Variants in HEATR5A observed in about 807,000 individuals in gnomAD.
HEATR5A encodes HEAT repeat containing 5A, also known as HEAT repeat-containing protein 5A.
Under a neutral mutation model 218.8 loss-of-function variants are expected in HEATR5A, and 178 were observed. The observed-to-expected ratio is 0.81, with a 90% CI of 0.72 to 0.92. The LOEUF (loss-of-function observed/expected upper bound fraction) is 0.92. Among genes scored for constraint, HEATR5A ranks in the 40% least tolerant of loss-of-function variants. The probability of loss-of-function intolerance (pLI) is 0.00; values close to 1 mark genes in which losing one functional copy is unlikely to be tolerated. For missense variants in HEATR5A, 2,420 were observed against 2,418.9 expected, an observed-to-expected ratio of 1.00 and a Z score of -0.01; for synonymous variants, 864 against 871.6, an observed-to-expected ratio of 0.99 and a Z score of 0.15.
chr14:31,327,436 G>C (rs1900308330), intron 22 of HEATR5A, among the ~76,000 whole-genome samples: 1 of 151,392 alleles, frequency 6.6e-6, no homozygotes, highest in Non-Finnish European at 1.5e-5. Context: ...TGGGACTAGA[G>C]GCGACCACCA....
At chr14:31,336,288 C>T (rs1030361285) in intron 22 of HEATR5A, among the ~76,000 whole-genome samples, 1 of 141,362 alleles carries the variant, frequency 7.1e-6, no homozygotes, top group African/African-American at 2.6e-5. Flanking sequence ...GAGATGAGGT[C>T]TCACTATGTT....
intron 25 of HEATR5A, among the ~76,000 whole-genome samples, chr14:31,319,734 C>T (rs184960669): frequency 6.6e-6 from 1 of 152,160 alleles, no homozygotes; most frequent in Admixed American, 6.5e-5. Context: ...AAAAAGATTA[C>T]AAAACCAGTA....
At chr14:31,314,160 C>A (rs1288546367) in intron 27 of HEATR5A, among the ~76,000 whole-genome samples, 1 of 152,092 alleles carries the variant, frequency 6.6e-6, no homozygotes, top group Non-Finnish European at 1.5e-5. Flanking sequence ...GTTGACCAGG[C>A]TGGTCTTGAA....
intron 1 of HEATR5A, among the ~76,000 whole-genome samples, chr14:31,416,556 T>C (rs1425688509): frequency 2.0e-5 from 3 of 152,054 alleles, no homozygotes; most frequent in Admixed American, 6.5e-5. Context: ...AGTGCTTTAA[T>C]ATGGCCATAT....
At chr14:31,340,468 C>T (rs1185514510) in intron 21 of HEATR5A, 1 of 1,288,772 alleles carries the variant, frequency 7.8e-7, no homozygotes, top group Non-Finnish European at 1.0e-6. Flanking sequence ...AATTATCCAA[C>T]AAGATCTCCT....
In HEATR5A at chr14:31,345,884, T is replaced by G. The variant is rs115260065; in HGVS notation, c.2869-608A>C. Among the ~76,000 whole-genome samples the G allele has an allele frequency of 4.2e-3, 629 of 150,692 alleles. 3 individuals are homozygous for G. Among genetic ancestry groups the G allele is most frequent in the African/African-American group, 0.014 (571 of 41,116 alleles). On this transcript the variant is annotated intron_variant, in intron 19 of 35. Transcript: ENST00000543095. ...CTGTTTGTACATAGATATGTGCATT[T>G]ATGGCAGGTGCGCACACACATGCAC... is the stretch of plus-strand genomic sequence containing the variant.
At chr14:31,393,999 C>T (rs1279076878) in intron 6 of HEATR5A, 53 bp downstream of exon 6, 6 of 1,220,308 alleles carry the variant, frequency 4.9e-6, no homozygotes, top group African/African-American at 1.5e-5. Context: ...TTGTTTATAT[C>T]AACTGGGGAA....
In HEATR5A at chr14:31,308,039, G is replaced by C; in HGVS notation, c.4691-19C>G. On this transcript the variant is annotated intron_variant, in intron 29 of 35. Transcript: ENST00000543095. ...CTGATTCCTGTGGAAAGCAAAAAAAGAGGAGGAGGCTTCTTTCAAATTATT... is the reference window on the plus strand; with the variant it reads ...CTGATTCCTGTGGAAAGCAAAAAAACAGGAGGAGGCTTCTTTCAAATTATT... 6.3e-7 allele frequency: 1 copy of C among 1,584,818 alleles called. No homozygotes were observed. The highest frequency in any genetic ancestry group is 8.6e-7 in the Non-Finnish European group (1 of 1,169,392).
chr14:31,309,159 T>C lies in HEATR5A; in HGVS notation c.4465A>G (p.Thr1489Ala). Reference sequence around the variant, plus strand: ...TAATGCAATTTTGCATTTTCACTAGTCTCTGCTGTGTAGAAAGCACCACCT... The same window carrying C: ...TAATGCAATTTTGCATTTTCACTAGCCTCTGCTGTGTAGAAAGCACCACCT... ...AEGGAFYTAE[T>A]SENAKLHYYN... Residue 1489 changes from threonine (T) to alanine (A), a missense_variant, in exon 29 of 36, where the codon ACT becomes GCT. By Grantham distance (58) the Thr-to-Ala change is moderately conservative. Coordinates refer to ENST00000543095, the MANE Select transcript of HEATR5A (RefSeq NM_015473.4). 1 of 1,613,886 alleles carries C rather than the reference T, an allele frequency of 6.2e-7. No individual in the cohort carries two copies. The highest frequency in any genetic ancestry group is 8.5e-7 in the Non-Finnish European group (1 of 1,179,800).
At chr14:31,346,734 T>A (rs2139210366) in intron 19 of HEATR5A, among the ~76,000 whole-genome samples, 1 of 152,256 alleles carries the variant, frequency 6.6e-6, no homozygotes, top group Middle Eastern at 3.4e-3. Context: ...GGAAAACGAA[T>A]TTAGCCTTAT....
At chr14:31,389,418 C>T (rs1448347673) in intron 6 of HEATR5A, among the ~76,000 whole-genome samples, 4 of 152,178 alleles carry the variant, frequency 2.6e-5, no homozygotes, top group Non-Finnish European at 5.9e-5. Flanking sequence ...AAATGCTGTA[C>T]AACTGTCAAA....
intron 26 of HEATR5A, among the ~76,000 whole-genome samples, chr14:31,317,048 T>C (rs1899933675): frequency 1.3e-5 from 2 of 152,116 alleles, no homozygotes; most frequent in African/African-American, 2.4e-5. Flanking sequence ...GTTTAGTTCT[T>C]GTCTCATCTC....
In HEATR5A at chr14:31,305,271, TTA is replaced by T. The variant is rs1899519361; in HGVS notation, c.4967-96_4967-95del. On this transcript the variant is annotated intron_variant, in intron 31 of 35. Coordinates refer to ENST00000543095, the MANE Select transcript of HEATR5A (RefSeq NM_015473.4). ...TCCTGTTACAGGAAATACATGTATTTTATTTTTTTGAGACAGAGTCTCGCTCT... is the reference window on the plus strand; with the variant it reads ...TCCTGTTACAGGAAATACATGTATTTTTTTTTTGAGACAGAGTCTCGCTCT... 6 of 1,350,616 alleles carry T rather than the reference TTA, an allele frequency of 4.4e-6. No individual in the cohort carries two copies. In the South Asian group the frequency reaches 7.9e-5, roughly 18 times the overall value. The allele number at this position is 1,350,616 out of a possible 1,614,324, so 83.7% of individuals were successfully genotyped here.
chr14:31,349,565 T>G (rs780459076), intron 18 of HEATR5A, among the ~76,000 whole-genome samples: 5 of 152,262 alleles, frequency 3.3e-5, no homozygotes, highest in Non-Finnish European at 7.3e-5. Flanking sequence ...ATATAGATTC[T>G]GATCTTTCTT....
chr14:31,388,698 T>A (rs2030330505), intron 7 of HEATR5A, 147 bp downstream of exon 7: 1 of 527,980 alleles, frequency 1.9e-6, no homozygotes, highest in Admixed American at 3.4e-5. Context: ...TTAAAAAAAA[T>A]GTTTTGGCCT....
At chr14:31,363,772 G>C (rs1270702320) in intron 14 of HEATR5A, among the ~76,000 whole-genome samples, 2 of 152,146 alleles carry the variant, frequency 1.3e-5, no homozygotes, top group African/African-American at 2.4e-5. Context: ...CTTGAGCCCA[G>C]GAATTCGAGA....
Position 31,358,662 on chromosome 14 carries a change from A to C in HEATR5A, c.2386T>G (p.Cys796Gly). The stretch of plus-strand genomic sequence containing the variant: ...CTTTGAGTTTCTCCCACATGAGCGC[A>C]TACAACCCCAAAGAGCTTGGATGCA... Reference protein sequence around the residue: ...SSASKLFGVVCAHVGETQRLL... With the variant: ...SSASKLFGVVGAHVGETQRLL... The change falls in exon 16 of 36, where the codon TGC becomes GGC. Residue 796 changes from cysteine to glycine, a missense_variant. By Grantham distance (159) the Cys-to-Gly change is radical (BLOSUM62 -3). Coordinates refer to ENST00000543095, the MANE Select transcript of HEATR5A (RefSeq NM_015473.4). The C allele has an allele frequency of 6.2e-7, 1 of 1,613,808 alleles. No individual in the cohort carries two copies. Among genetic ancestry groups the C allele is most frequent in the Non-Finnish European group, 8.5e-7 (1 of 1,179,846 alleles).
intron 1 of HEATR5A, among the ~76,000 whole-genome samples, chr14:31,415,784 T>A (rs2080432881): frequency 6.6e-6 from 1 of 152,178 alleles, no homozygotes; most frequent in Admixed American, 6.5e-5. Context: ...ATATTCAACA[T>A]GTAGAAACCT....
Position 31,293,885 on chromosome 14 carries a change from A to G in HEATR5A, c.5833+6T>C, listed in dbSNP as rs752225952. The G allele has an allele frequency of 5.0e-6, 8 of 1,584,936 alleles. 1 individual carries two copies. In the South Asian group the frequency reaches 9.2e-5, roughly 18 times the overall value. ...GACTGAGTATGAATTTAGTGCTGAC[A>G]CTTACGATGGTGTTCTTCAGCAACA... On this transcript the variant is annotated splice_donor_region_variant and intron_variant, in intron 35 of 35. Coordinates refer to ENST00000543095, the MANE Select transcript of HEATR5A (RefSeq NM_015473.4).
Sources: gnomAD v4.1 joint callset for allele counts (sites outside exome capture counted in the v4.1 genomes callset) on GRCh38, gnomAD v4.1.1 for gene constraint, MANE v1.5 for transcripts, NCBI Gene and HGNC (gene_info 2026-07-23, HGNC 2026-07-21) for gene names.